BIRC2: variants seen among roughly 807,000 people sequenced by gnomAD.
The protein encoded by BIRC2 is baculoviral IAP repeat containing 2, also known as baculoviral IAP repeat-containing protein 2.
Under a neutral mutation model 60.9 loss-of-function variants are expected in BIRC2, and 18 were observed. That is an observed-to-expected ratio of 0.30 (90% CI 0.20 to 0.44). BIRC2 has a LOEUF of 0.44. Ranked by LOEUF, BIRC2 falls within the 20% of genes least tolerant of loss-of-function variation. The probability of loss-of-function intolerance (pLI) is 1.00; values close to 1 mark genes in which losing one functional copy is unlikely to be tolerated. For missense variants in BIRC2, 701 were observed against 728.5 expected, an observed-to-expected ratio of 0.96 and a Z score of 0.43; for synonymous variants, 282 against 247.7, an observed-to-expected ratio of 1.14 and a Z score of -1.30.
At chr11:102,360,778 T>G (rs1951476780) in intron 3 of BIRC2, among the ~76,000 whole-genome samples, 2 of 150,702 alleles carry the variant, frequency 1.3e-5, no homozygotes, top group Non-Finnish European at 1.5e-5. Flanking sequence ...TTAGTGTGTT[T>G]TTTTTGTTTT....
At chr11:102,364,981 C>G (rs1200088575) in intron 5 of BIRC2, among the ~76,000 whole-genome samples, 1 of 152,166 alleles carries the variant, frequency 6.6e-6, no homozygotes, top group Non-Finnish European at 1.5e-5. Context: ...ATGACTGTTT[C>G]TTGTTTTCTG....
chr11:102,353,905 T>C (rs1002655269), intron 3 of BIRC2, among the ~76,000 whole-genome samples: 3 of 152,208 alleles, frequency 2.0e-5, no homozygotes, highest in Admixed American at 6.5e-5. Flanking sequence ...CCATACAGTA[T>C]AGTTGTCCCT....
At chr11:102,374,442 G>A (rs879275553) in intron 6 of BIRC2, among the ~76,000 whole-genome samples, 22 of 148,806 alleles carry the variant, frequency 1.5e-4, no homozygotes, top group Non-Finnish European at 2.2e-4. Flanking sequence ...AGGTGTCAGT[G>A]TGCCCCTGCT....
rs1184632097 is a variant in BIRC2 at position 102,348,981 on chromosome 11, A to C, written c.-874A>C. 1 of 154,758 alleles carries C rather than the reference A, an allele frequency of 6.5e-6. No individual in the cohort carries two copies. Among genetic ancestry groups the C allele is most frequent in the Non-Finnish European group, 1.4e-5 (1 of 69,524 alleles). 9.6% of individuals were successfully genotyped at this position (154,758 alleles called of 1,614,324 possible). On this transcript the variant is annotated 5_prime_UTR_variant, in exon 2 of 9. Coordinates refer to ENST00000227758, the MANE Select transcript of BIRC2 (RefSeq NM_001166.5). ...ATGCAGTGTAAAAAGTGTGCTGTGG[A>C]AATTTTATGGCTAACTAAGTTTATG...
chr11:102,352,638 C>T (rs1312437139), intron 3 of BIRC2, among the ~76,000 whole-genome samples: 1 of 151,990 alleles, frequency 6.6e-6, no homozygotes, highest in African/African-American at 2.4e-5. Context: ...ACCATGTTGG[C>T]CAGGCTGGTC....
In BIRC2 at chr11:102,347,353, C is replaced by G. The variant is rs1440848364; in HGVS notation, c.-1281C>G. On this transcript the variant is annotated 5_prime_UTR_variant, in exon 1 of 9. Transcript: ENST00000227758. The stretch of plus-strand genomic sequence containing the variant: ...GGCCTCTAGGCAGCCGCGCAGCTTC[C>G]GTGTTTGCTGCGCCCGCACTGCGGT... 6.6e-6 allele frequency: 1 copy of G among 151,954 alleles called. No homozygotes were observed. Among genetic ancestry groups the G allele is most frequent in the African/African-American group, 2.4e-5 (1 of 41,402 alleles). 9.4% of individuals were successfully genotyped at this position (151,954 alleles called of 1,614,324 possible).
intron 3 of BIRC2, among the ~76,000 whole-genome samples, chr11:102,355,763 T>C (rs547643627): frequency 2.1e-4 from 32 of 152,292 alleles, no homozygotes; most frequent in African/African-American, 7.5e-4. Context: ...TGTTTAAAAA[T>C]TTATTTCTGT....
chr11:102,376,862 G>A (rs982826220), intron 6 of BIRC2, among the ~76,000 whole-genome samples: 16 of 152,154 alleles, frequency 1.1e-4, no homozygotes, highest in African/African-American at 3.9e-4. Flanking sequence ...GGAAACTGAG[G>A]TGTATGGGGA....
intron 5 of BIRC2, among the ~76,000 whole-genome samples, chr11:102,364,172 T>TATATAC (rs1351743517): frequency 4.5e-5 from 4 of 89,726 alleles, no homozygotes; most frequent in East Asian, 7.2e-4. Flanking sequence ...TATATATATA[T>TATATAC]ATACACACAC....
intron 6 of BIRC2, among the ~76,000 whole-genome samples, chr11:102,370,501 C>T (rs1317016426): frequency 1.4e-5 from 2 of 145,338 alleles, no homozygotes; most frequent in Admixed American, 1.4e-4. Context: ...TTTCTGAGGG[C>T]TCTGTTCTGT....
intron 5 of BIRC2, among the ~76,000 whole-genome samples, chr11:102,366,040 T>C (rs898204472): frequency 2.6e-5 from 4 of 152,054 alleles, no homozygotes; most frequent in African/African-American, 9.7e-5. Context: ...ATAGCTCAGC[T>C]TAAATTTATT....
At chr11:102,369,533 A>G (rs1270343633) in intron 6 of BIRC2, among the ~76,000 whole-genome samples, 1 of 148,806 alleles carries the variant, frequency 6.7e-6, no homozygotes, top group Non-Finnish European at 1.5e-5. Flanking sequence ...CATGGTGTAT[A>G]TGTGCCACAT....
intron 5 of BIRC2, among the ~76,000 whole-genome samples, chr11:102,364,139 T>TA (rs1951517564): frequency 1.6e-5 from 1 of 61,418 alleles, no homozygotes; most frequent in Non-Finnish European, 2.8e-5. Flanking sequence ...CTAATAAATA[T>TA]TATATATATA....
intron 1 of BIRC2, chr11:102,347,975 C>T (rs1951311379): frequency 6.6e-6 from 1 of 152,084 alleles, no homozygotes; most frequent in East Asian, 1.9e-4. Context: ...GATATAAGAC[C>T]GGGTGTAATT....
rs559496421 is a variant in BIRC2, at chr11:102,360,475, G to A, written c.996-2421G>A. Among the ~76,000 whole-genome samples the A allele has an allele frequency of 7.3e-5, 11 of 151,252 alleles. No homozygotes were observed. In the South Asian group the frequency reaches 1.7e-3, roughly 23 times the overall value. ...TTTGTTGTTATGTTCTTCAGCTCCC[G>A]AATTTGTTTCTTTTTATTATTCCTA... On this transcript the variant is annotated intron_variant, in intron 3 of 8. Coordinates refer to ENST00000227758, the MANE Select transcript of BIRC2 (RefSeq NM_001166.5).
At chr11:102,357,864 T>C (rs2135809485) in intron 3 of BIRC2, among the ~76,000 whole-genome samples, 1 of 152,326 alleles carries the variant, frequency 6.6e-6, no homozygotes, top group Non-Finnish European at 1.5e-5. Context: ...TTTTTAAATA[T>C]AGGCGATTAT....
intron 3 of BIRC2, among the ~76,000 whole-genome samples, chr11:102,357,336 C>CCTCCTCCTCTTCCTTCTT (rs1289941333): frequency 2.0e-5 from 3 of 151,576 alleles, no homozygotes; most frequent in Admixed American, 2.0e-4. Context: ...CTTTCCTCCT[C>CCTCCTCCTCTTCCTTCTT]CTCCTCCTCT....
chr11:102,362,432 C>T (rs1951495707), intron 3 of BIRC2, among the ~76,000 whole-genome samples: 1 of 152,022 alleles, frequency 6.6e-6, no homozygotes, highest in South Asian at 2.1e-4. Context: ...TATTTGATTC[C>T]ATATTTTTTG....
intron 3 of BIRC2, 97 bp from the exon 4 acceptor site, chr11:102,362,799 G>C: frequency 1.2e-6 from 1 of 866,730 alleles, no homozygotes; most frequent in South Asian, 1.5e-5. Flanking sequence ...TTTTACTATG[G>C]AGTACAATGA....
Sources: allele counts gnomAD v4.1 joint callset (sites outside exome capture counted in the v4.1 genomes callset), GRCh38; gene constraint gnomAD v4.1.1; transcripts MANE v1.5; gene names NCBI Gene and HGNC (gene_info 2026-07-23, HGNC 2026-07-21).